Variants in SCN11A observed in about 807,000 individuals in gnomAD.
SCN11A encodes sodium channel protein type 11 subunit alpha.
SCN11A carries 122 observed loss-of-function variants against 162.2 expected under a neutral mutation model. The ratio of observed to expected loss-of-function variants is 0.75; its 90% confidence interval spans 0.65 to 0.87. The LOEUF is 0.87. SCN11A is among the 40% of genes least tolerant of loss of function. The pLI, the probability that SCN11A is intolerant of heterozygous loss-of-function variation, is 0.00. For missense variants in SCN11A, 2,015 were observed against 2,181.6 expected, an observed-to-expected ratio of 0.92 and a Z score of 1.52; for synonymous variants, 758 against 751.5, an observed-to-expected ratio of 1.01 and a Z score of -0.14.
intron 4 of SCN11A, among the ~76,000 whole-genome samples, chr3:38,951,542 T>G (rs1245190809): frequency 6.6e-6 from 1 of 152,192 alleles, no homozygotes; most frequent in Non-Finnish European, 1.5e-5. Context: ...TGCGAGCGCA[T>G]GGCGCAGGAC....
intron 1 of SCN11A, among the ~76,000 whole-genome samples, chr3:39,040,554 C>T (rs1043793753): frequency 2.6e-5 from 4 of 152,000 alleles, no homozygotes; most frequent in African/African-American, 9.7e-5. Flanking sequence ...TATCAGATGC[C>T]TAAAAAGGAA....
At chr3:38,954,250 G>C (rs1326923725) in intron 3 of SCN11A, among the ~76,000 whole-genome samples, 1 of 152,184 alleles carries the variant, frequency 6.6e-6, no homozygotes, top group Non-Finnish European at 1.5e-5. Context: ...GAATTTGTAT[G>C]AATGAAGTGG....
intron 1 of SCN11A, among the ~76,000 whole-genome samples, chr3:39,046,625 T>G (rs867753333): frequency 2.0e-5 from 3 of 152,020 alleles, no homozygotes; most frequent in African/African-American, 4.8e-5. Flanking sequence ...CATACAAAGC[T>G]ACACTAAACA....
intron 1 of SCN11A, among the ~76,000 whole-genome samples, chr3:39,048,641 T>C (rs1421644813): frequency 3.3e-5 from 5 of 152,230 alleles, no homozygotes; most frequent in African/African-American, 1.2e-4. Context: ...AATTTATTGA[T>C]ACTTCATAAA....
intron 7 of SCN11A, among the ~76,000 whole-genome samples, chr3:38,936,725 T>A (rs577753357): frequency 6.6e-6 from 1 of 152,136 alleles, no homozygotes; most frequent in East Asian, 1.9e-4. Context: ...TAAAAGAGGA[T>A]ACAAACAAAT....
At chr3:38,991,478 C>T (rs1026703958) in intron 2 of SCN11A, among the ~76,000 whole-genome samples, 4 of 152,146 alleles carry the variant, frequency 2.6e-5, no homozygotes, top group Admixed American at 1.3e-4. Context: ...TGTGTGTTTG[C>T]GGCGATCATA....
intron 1 of SCN11A, among the ~76,000 whole-genome samples, chr3:39,033,194 T>C (rs991179638): frequency 6.6e-6 from 1 of 151,514 alleles, no homozygotes; most frequent in African/African-American, 2.4e-5. Context: ...CTTAATTAAC[T>C]TGCTCAGGTA....
In SCN11A at chr3:38,904,083, G is replaced by A; in HGVS notation, c.1624C>T (p.Pro542Ser). 6.4e-7 allele frequency: 1 copy of A among 1,574,252 alleles called. No homozygotes were observed. Among genetic ancestry groups the A allele is most frequent in the Non-Finnish European group, 8.6e-7 (1 of 1,163,010 alleles). ...TMKEQEKSQEPCLPCGENLAS... is the reference protein window; with the variant it reads ...TMKEQEKSQESCLPCGENLAS... ...AGGTTTTCTCCACAAGGGAGACAAGGCTCTTGTGATTTTTCTTGTTCTGGA... is the reference window on the plus strand; with the variant it reads ...AGGTTTTCTCCACAAGGGAGACAAGACTCTTGTGATTTTTCTTGTTCTGGA... The change falls in exon 16 of 30, where the codon CCT (proline) becomes TCT (serine). Residue 542 changes from proline (P) to serine (S), a missense_variant. By Grantham distance (74) the Pro-to-Ser change is moderately conservative. Transcript: ENST00000302328.
chr3:39,025,065 G>C (rs1026952006), intron 2 of SCN11A, among the ~76,000 whole-genome samples: 3 of 152,202 alleles, frequency 2.0e-5, no homozygotes, highest in Admixed American at 1.3e-4. Flanking sequence ...AGACAGAAAG[G>C]TTGGAGGAAG....
intron 2 of SCN11A, among the ~76,000 whole-genome samples, chr3:38,971,236 C>T (rs868627046): frequency 1.3e-5 from 2 of 152,074 alleles, no homozygotes. Context: ...CTCCCCGCAG[C>T]CTTGACCTCC....
intron 2 of SCN11A, among the ~76,000 whole-genome samples, chr3:39,026,306 C>T (rs1216278911): frequency 6.6e-6 from 1 of 152,146 alleles, no homozygotes; most frequent in African/African-American, 2.4e-5. Flanking sequence ...ATTCATTAAG[C>T]TCTATACTTA....
rs1011224550 is a variant in SCN11A at position 38,863,287 on chromosome 3, C to T, written c.3964G>A (p.Asp1322Asn). 1.3e-6 allele frequency: 2 copies of T among 1,574,934 alleles called. No individual in the cohort carries two copies. The highest frequency in any genetic ancestry group is 1.4e-5 in the African/African-American group (1 of 73,938). The change falls in exon 28 of 30, where the codon GAC becomes AAC. Residue 1322 changes from aspartate (D) to asparagine (N), a missense_variant. By Grantham distance (23) the Asp-to-Asn change is conservative. Transcript: ENST00000302328. ...TTCTGTTCTTCTGTCATAAAAATGT[C>T]TTGGCCACCTAAGTATATGGAGAAG... ...NQQQKKLGGQDIFMTEEQKKY... is the reference protein window; with the variant it reads ...NQQQKKLGGQNIFMTEEQKKY...
At chr3:38,860,256 C>T (rs975481262) in intron 28 of SCN11A, among the ~76,000 whole-genome samples, 8 of 152,118 alleles carry the variant, frequency 5.3e-5, no homozygotes, top group Non-Finnish European at 1.2e-4. Context: ...CCCACACAGC[C>T]AGCTCTGTGT....
intron 5 of SCN11A, among the ~76,000 whole-genome samples, chr3:38,949,277 T>C (rs952906904): frequency 6.6e-6 from 1 of 152,240 alleles, no homozygotes; most frequent in Non-Finnish European, 1.5e-5. Flanking sequence ...CCAAGTGTGC[T>C]CACAGCCTCA....
intron 7 of SCN11A, among the ~76,000 whole-genome samples, chr3:38,940,577 A>C (rs373332102): frequency 6.6e-6 from 1 of 152,216 alleles, no homozygotes; most frequent in South Asian, 2.1e-4. Flanking sequence ...CTATTTAACA[A>C]ATGGTGTTGG....
At chr3:38,899,083 C>T (rs1311284665) in intron 17 of SCN11A, among the ~76,000 whole-genome samples, 3 of 151,944 alleles carry the variant, frequency 2.0e-5, no homozygotes, top group Admixed American at 2.0e-4. Context: ...AGGTGTCTTA[C>T]TCTATAGGCT....
intron 2 of SCN11A, among the ~76,000 whole-genome samples, chr3:38,961,561 T>A (rs1000077108): frequency 1.4e-4 from 22 of 152,304 alleles, no homozygotes; most frequent in African/African-American, 4.6e-4. Context: ...ACTCCCAGAA[T>A]AAGAGAAGAC....
chr3:38,856,320 C>T (rs1374776460), intron 28 of SCN11A, among the ~76,000 whole-genome samples: 4 of 152,252 alleles, frequency 2.6e-5, no homozygotes, highest in South Asian at 2.1e-4. Flanking sequence ...AGGGTGAGTG[C>T]GGCCCCAGAG....
At position 38,926,682 on chromosome 3, in the gene SCN11A, A is replaced by C. The variant is rs1185602358; in HGVS notation, c.617+121T>G. ...CAGGGCCAACCAACACAGCACTCAG[A>C]GCTCTAGGCATTACTAGGCCATACT... On this transcript the variant is annotated intron_variant, in intron 8 of 29. Transcript: ENST00000302328. The C allele has an allele frequency of 3.0e-6, 3 of 1,003,470 alleles. No individual in the cohort carries two copies. In the African/African-American group the frequency reaches 4.9e-5, roughly 16 times the overall value. The allele number at this position is 1,003,470 out of a possible 1,614,324, so 62.2% of individuals were successfully genotyped here. A position where few individuals can be genotyped will look rare whatever the true frequency, so the allele number is the denominator to read the frequency against.
Sources: gnomAD v4.1 joint callset for allele counts (sites outside exome capture counted in the v4.1 genomes callset) on GRCh38, gnomAD v4.1.1 for gene constraint, MANE v1.5 for transcripts, NCBI Gene and HGNC (gene_info 2026-07-23, HGNC 2026-07-21) for gene names.